The following ROBO2 variants were observed in gnomAD, a reference collection of about 807,000 sequenced individuals.
ROBO2 encodes roundabout homolog 2.
ROBO2 carries 53 observed loss-of-function variants against 160.8 expected under a neutral mutation model. The ratio of observed to expected loss-of-function variants is 0.33; its 90% CI spans 0.26 to 0.41. ROBO2 has a LOEUF of 0.41. Ranked by LOEUF, ROBO2 falls within the 10% of genes least tolerant of loss-of-function variation. ROBO2 has a pLI of 1.00. For missense variants in ROBO2, 1,577 were observed against 1,722.4 expected (o/e 0.92, Z 1.49); for synonymous variants, 664 against 611.7 (o/e 1.09, Z -1.26).
intron 2 of ROBO2, among the ~76,000 whole-genome samples, chr3:76,277,013 T>G (rs996498389): frequency 2.0e-5 from 3 of 152,052 alleles, no homozygotes; most frequent in Non-Finnish European, 4.4e-5. Context: ...ACAATATTTT[T>G]TAATAATTTT....
At chr3:77,065,910 T>G (rs2066791692) in intron 1 of ROBO2, among the ~76,000 whole-genome samples, 1 of 152,098 alleles carries the variant, frequency 6.6e-6, no homozygotes, top group Non-Finnish European at 1.5e-5. Flanking sequence ...TATCGCAAAA[T>G]CAAGATACAT....
rs142558051 is a variant in ROBO2 at position 77,589,600 on chromosome 3, G to A, written c.2683+667G>A. 2.1e-3 allele frequency among the ~76,000 whole-genome samples: 325 copies of A among 152,138 alleles called. 2 individuals carry two copies. The highest frequency in any genetic ancestry group is 7.4e-3 in the African/African-American group (308 of 41,534). On this transcript the variant is annotated intron_variant, in intron 17 of 25. Coordinates refer to ENST00000461745, the Ensembl canonical transcript of ROBO2. ...AGATGGTCTACATCTTCACAACAATGTTTTCTTCTTAGACTCCAAGACAGA... is the reference window on the plus strand; with the variant it reads ...AGATGGTCTACATCTTCACAACAATATTTTCTTCTTAGACTCCAAGACAGA...
intron 23 of ROBO2, among the ~76,000 whole-genome samples, chr3:77,625,668 G>A (rs891059030): frequency 6.6e-6 from 1 of 152,054 alleles, no homozygotes; most frequent in Admixed American, 6.5e-5. Context: ...GAGCCACTGC[G>A]GCCGGCCCAT....
chr3:76,711,286 C>T (rs910610663), intron 2 of ROBO2, among the ~76,000 whole-genome samples: 1 of 151,986 alleles, frequency 6.6e-6, no homozygotes, highest in Non-Finnish European at 1.5e-5. Context: ...AGAGAAAGAG[C>T]GAAGGGGGAA....
exon 24 of ROBO2, chr3:77,634,949 T>C: frequency 6.2e-7 from 1 of 1,613,946 alleles, no homozygotes; most frequent in Middle Eastern, 1.6e-4. Flanking sequence ...CAGCCCTGAG[T>C]CAAAGTCAGA....
At chr3:77,041,777 C>A (rs1159832380) in intron 1 of ROBO2, among the ~76,000 whole-genome samples, 1 of 152,022 alleles carries the variant, frequency 6.6e-6, no homozygotes, top group African/African-American at 2.4e-5. Flanking sequence ...TCGATGGAAA[C>A]AACTGGTATA....
exon 21 of ROBO2, chr3:77,607,873 A>C: frequency 1.2e-6 from 2 of 1,614,016 alleles, no homozygotes; most frequent in South Asian, 2.2e-5. Flanking sequence ...ACTTGGGCCA[A>C]TGTCCCTCTA....
intron 8 of ROBO2, among the ~76,000 whole-genome samples, chr3:77,554,763 C>T (rs1253907703): frequency 6.6e-6 from 1 of 151,798 alleles, no homozygotes; most frequent in Admixed American, 6.6e-5. Flanking sequence ...TTAGGGATGA[C>T]CAAAGAAAGT....
intron 2 of ROBO2, among the ~76,000 whole-genome samples, chr3:76,533,860 C>A (rs956417729): frequency 6.6e-6 from 1 of 152,040 alleles, no homozygotes; most frequent in Non-Finnish European, 1.5e-5. Context: ...TAGGGTAGGG[C>A]AGGAACGAGT....
chr3:77,481,069 T>G, intron 3 of ROBO2, 30 bp from the exon 4 acceptor site: 2 of 1,585,104 alleles, frequency 1.3e-6, no homozygotes, highest in African/African-American at 1.3e-5. Context: ...TTTTCTTCCC[T>G]TCTCTTTTCT....
At chr3:76,058,682 A>G (rs7632028) in intron 2 of ROBO2, among the ~76,000 whole-genome samples, 141,455 of 144,192 alleles carry the variant, frequency 0.98, 69,402 homozygotes, top group Middle Eastern at 1. Context: ...AAGTTCTAGG[A>G]TACATGTGCA....
intron 2 of ROBO2, among the ~76,000 whole-genome samples, chr3:76,571,774 A>G (rs1202646708): frequency 6.6e-6 from 1 of 152,138 alleles, no homozygotes; most frequent in Non-Finnish European, 1.5e-5. Context: ...TGTACAGGAA[A>G]AAAAATGTCA....
chr3:76,163,834 C>T (rs908816522), intron 2 of ROBO2, among the ~76,000 whole-genome samples: 3 of 151,852 alleles, frequency 2.0e-5, no homozygotes, highest in Non-Finnish European at 2.9e-5. Context: ...CATACCTCTA[C>T]GTTGATGTCA....
At chr3:77,164,564 G>GCCC (rs1245630364) in intron 2 of ROBO2, among the ~76,000 whole-genome samples, 1 of 139,656 alleles carries the variant, frequency 7.2e-6, no homozygotes, top group Non-Finnish European at 1.6e-5. Context: ...CCGGCCAGCC[G>GCCC]CCCCGTCCGG....
intron 2 of ROBO2, among the ~76,000 whole-genome samples, chr3:76,089,290 C>A (rs1355852482): frequency 6.6e-6 from 1 of 151,996 alleles, no homozygotes; most frequent in Non-Finnish European, 1.5e-5. Flanking sequence ...TCCACAGTCT[C>A]TTTTGGGAGA....
intron 2 of ROBO2, among the ~76,000 whole-genome samples, chr3:76,740,995 G>T (rs1274613692): frequency 2.0e-5 from 3 of 151,988 alleles, no homozygotes; most frequent in Non-Finnish European, 4.4e-5. Context: ...AAACAGTTTT[G>T]AAAGACCAAT....
intron 2 of ROBO2, among the ~76,000 whole-genome samples, chr3:77,475,034 A>G (rs143358482): frequency 6.6e-6 from 1 of 152,066 alleles, no homozygotes; most frequent in East Asian, 1.9e-4. Flanking sequence ...TAGGCTGCCT[A>G]TGGTGGAACC....
intron 2 of ROBO2, among the ~76,000 whole-genome samples, chr3:77,344,568 T>G (rs2067424639): frequency 6.6e-6 from 1 of 152,142 alleles, no homozygotes; most frequent in Non-Finnish European, 1.5e-5. Context: ...CTTGCCATAC[T>G]CCAAATTTGC....
intron 2 of ROBO2, among the ~76,000 whole-genome samples, chr3:76,439,131 T>C (rs1240998594): frequency 6.6e-6 from 1 of 152,166 alleles, no homozygotes; most frequent in Admixed American, 6.6e-5. Context: ...TTATTTCACT[T>C]ATCCACTTAC....
Sources: gnomAD v4.1 joint callset for allele counts (sites outside exome capture counted in the v4.1 genomes callset) on GRCh38, gnomAD v4.1.1 for gene constraint, MANE v1.5 for transcripts, NCBI Gene and HGNC (gene_info 2026-07-23, HGNC 2026-07-21) for gene names.